Variants in PTPRM observed in about 807,000 individuals in gnomAD.
The protein encoded by PTPRM is receptor-type tyrosine-protein phosphatase mu.
In PTPRM, 47 loss-of-function variants were observed where a neutral mutation model predicts 186.7. That is an observed-to-expected ratio of 0.25 (90% CI 0.20 to 0.32). The LOEUF (loss-of-function observed/expected upper bound fraction) is 0.32. Among genes scored for constraint, PTPRM ranks in the 10% least tolerant of loss-of-function variants. PTPRM has a pLI of 1.00. For missense variants in PTPRM, 1,494 were observed against 1,865.0 expected, an observed-to-expected ratio of 0.80 and a Z score of 3.66; for synonymous variants, 668 against 674.9, an observed-to-expected ratio of 0.99 and a Z score of 0.16.
intron 14 of PTPRM, among the ~76,000 whole-genome samples, chr18:8,213,293 A>C (rs1056771556): frequency 2.6e-5 from 4 of 152,230 alleles, no homozygotes; most frequent in African/African-American, 9.6e-5. Flanking sequence ...AGAGGAGAAC[A>C]GGCTGCAGAA....
rs183353629 is a variant in PTPRM at position 7,973,329 on chromosome 18, C to G, written c.1132+17915C>G. 3.9e-5 allele frequency among the ~76,000 whole-genome samples: 6 copies of G among 152,298 alleles called. No individual in the cohort carries two copies. In the East Asian group the frequency reaches 1.2e-3, roughly 29 times the overall value. On this transcript the variant is annotated intron_variant, in intron 7 of 32. Transcript: ENST00000580170. ...CTGTCAGATTACTTTCTACAAGGCT[C>G]TATCAAGTTATGCTCTACCAGCAAG...
At chr18:8,096,548 C>T (rs561275439) in intron 11 of PTPRM, among the ~76,000 whole-genome samples, 6 of 152,070 alleles carry the variant, frequency 3.9e-5, no homozygotes, top group Admixed American at 6.6e-5. Flanking sequence ...CTAGATAGAC[C>T]GTCTTTAAAT....
intron 19 of PTPRM, among the ~76,000 whole-genome samples, chr18:8,285,723 G>A (rs1168873670): frequency 6.6e-6 from 1 of 152,154 alleles, no homozygotes; most frequent in African/African-American, 2.4e-5. Context: ...TGGGCGTGGT[G>A]GCTCACGACT....
At chr18:8,294,284 C>G (rs1379880986) in intron 19 of PTPRM, among the ~76,000 whole-genome samples, 2 of 152,070 alleles carry the variant, frequency 1.3e-5, no homozygotes, top group Non-Finnish European at 2.9e-5. Flanking sequence ...TACCCAAAAC[C>G]AGGTAGTTTA....
At chr18:8,326,534 G>A (rs1167649234) in intron 22 of PTPRM, among the ~76,000 whole-genome samples, 2 of 152,196 alleles carry the variant, frequency 1.3e-5, no homozygotes, top group Middle Eastern at 3.4e-3. Context: ...ACTTGAAACT[G>A]TACTACATGG....
At chr18:8,100,792 T>C (rs573557961) in intron 11 of PTPRM, among the ~76,000 whole-genome samples, 42 of 152,350 alleles carry the variant, frequency 2.8e-4, no homozygotes, top group African/African-American at 8.9e-4. Context: ...TATGATATCA[T>C]GATTTGCTTA....
chr18:8,342,128 G>T (rs2095478540), intron 22 of PTPRM, among the ~76,000 whole-genome samples: 1 of 152,158 alleles, frequency 6.6e-6, no homozygotes, highest in Non-Finnish European at 1.5e-5. Flanking sequence ...GGAAGGAGAA[G>T]AAACATTACA....
intron 14 of PTPRM, among the ~76,000 whole-genome samples, chr18:8,223,219 G>C (rs550926821): frequency 1.3e-5 from 2 of 152,164 alleles, no homozygotes; most frequent in East Asian, 3.9e-4. Context: ...GCGGGACTCT[G>C]TCTCAAAAAT....
intron 1 of PTPRM, chr18:7,751,587 T>C (rs781530023): frequency 9.8e-5 from 15 of 152,358 alleles, no homozygotes; most frequent in African/African-American, 3.6e-4. Context: ...AAGTTTTTCA[T>C]GTCCAAGTTG....
chr18:8,299,839 A>C (rs1278418536), intron 20 of PTPRM, among the ~76,000 whole-genome samples: 2 of 152,212 alleles, frequency 1.3e-5, no homozygotes, highest in Non-Finnish European at 2.9e-5. Flanking sequence ...AAAGCCAGAC[A>C]GTGGGCTACT....
intron 1 of PTPRM, among the ~76,000 whole-genome samples, chr18:7,588,584 C>G (rs2143596110): frequency 6.6e-6 from 1 of 152,244 alleles, no homozygotes; most frequent in East Asian, 1.9e-4. Flanking sequence ...AATCTTCACA[C>G]TTTTGGTTGT....
intron 7 of PTPRM, among the ~76,000 whole-genome samples, chr18:7,992,648 T>TA (rs1008179845): frequency 5.9e-5 from 9 of 152,128 alleles, no homozygotes; most frequent in African/African-American, 2.2e-4. Context: ...AGTCCTAACT[T>TA]ATTGTCATTG....
At chr18:7,592,292 G>C (rs764359997) in intron 1 of PTPRM, among the ~76,000 whole-genome samples, 20 of 152,174 alleles carry the variant, frequency 1.3e-4, no homozygotes, top group Non-Finnish European at 2.4e-4. Flanking sequence ...AGGCGACATG[G>C]GAGCTAGGAG....
Position 8,288,905 on chromosome 18 carries a change from G to A in PTPRM, c.2755-7463G>A, listed in dbSNP as rs188623783. On this transcript the variant is annotated intron_variant, in intron 19 of 32. Coordinates refer to ENST00000580170, the MANE Select transcript of PTPRM (RefSeq NM_001105244.2). ...ATCACCAGGAAGCATCGCTGTGCAG[G>A]TGGTGATAGGACTGTGCCACTGAAC... Among the ~76,000 whole-genome samples, 33 of 152,330 alleles carry A rather than the reference G, an allele frequency of 2.2e-4. 1 individual carries two copies. Among genetic ancestry groups the A allele is most frequent in the Admixed American group, 5.2e-4 (8 of 15,300 alleles).
rs142453606 is a variant in PTPRM at position 8,009,744 on chromosome 18, T to C, written c.1132+54330T>C. Among the ~76,000 whole-genome samples the C allele has an allele frequency of 4.7e-3, 712 of 152,190 alleles. 7 individuals are homozygous for C. Among genetic ancestry groups the C allele is most frequent in the African/African-American group, 0.016 (678 of 41,540 alleles). ...TAAATAAAAAATAAAAAAATCACTT[T>C]TTGCTTTACACCTCCCTTTTCTTCC... On this transcript the variant is annotated intron_variant, in intron 7 of 32. Coordinates refer to ENST00000580170, the MANE Select transcript of PTPRM (RefSeq NM_001105244.2).
chr18:8,295,543 C>T (rs1427063183), intron 19 of PTPRM, among the ~76,000 whole-genome samples: 1 of 152,172 alleles, frequency 6.6e-6, no homozygotes, highest in Admixed American at 6.5e-5. Flanking sequence ...CTCTTTCCCT[C>T]TCTCTTCCTT....
intron 2 of PTPRM, among the ~76,000 whole-genome samples, chr18:7,840,103 G>A (rs1366624145): frequency 2.7e-5 from 4 of 146,528 alleles, no homozygotes; most frequent in African/African-American, 1.0e-4. Flanking sequence ...GGGAGGGCAG[G>A]GTGATGGGGG....
chr18:8,303,181 A>T (rs1229463182), intron 20 of PTPRM, among the ~76,000 whole-genome samples: 2 of 152,106 alleles, frequency 1.3e-5, no homozygotes, highest in African/African-American at 2.4e-5. Context: ...GAGCACTCTC[A>T]TGGAGAGAAG....
chr18:7,914,972 C>T (rs2050470628), intron 4 of PTPRM, among the ~76,000 whole-genome samples: 1 of 152,092 alleles, frequency 6.6e-6, no homozygotes, highest in Non-Finnish European at 1.5e-5. Flanking sequence ...GGACATAGTC[C>T]TCTTGTTCCA....
Sources: allele counts gnomAD v4.1 joint callset (sites outside exome capture counted in the v4.1 genomes callset), GRCh38; gene constraint gnomAD v4.1.1; transcripts MANE v1.5; gene names NCBI Gene and HGNC (gene_info 2026-07-23, HGNC 2026-07-21).